Variants in DAB2 observed in about 807,000 individuals in gnomAD.
DAB2 encodes the protein DAB adaptor protein 2.
DAB2 carries 28 observed loss-of-function variants against 71.6 expected under a neutral mutation model. The observed-to-expected ratio is 0.39, with a 90% CI of 0.29 to 0.54. The LOEUF (loss-of-function observed/expected upper bound fraction) is 0.54. DAB2 is among the 20% of genes least tolerant of loss of function. DAB2 has a pLI of 0.68. For synonymous variants in DAB2, 345 were observed against 339.7 expected (o/e 1.02, Z -0.17); for missense variants, 867 against 928.8 (o/e 0.93, Z 0.86).
At chr5:39,405,087 C>T (rs560119749) in intron 1 of DAB2, among the ~76,000 whole-genome samples, 156 of 152,328 alleles carry the variant, frequency 1.0e-3, no homozygotes, top group Admixed American at 3.1e-3. Flanking sequence ...TCTGGCCTCT[C>T]GGCAAAGCTG....
Position 39,388,835 on chromosome 5 carries a change from T to C in DAB2, c.588A>G (p.Leu196=). ...SKAVENGSEA[L]MILDDQTNKL... ...TGTTAGTTTGGTCATCTAGAATCATTAGGGCCTCACTCCCATTCTGAAAAG... is the reference window on the plus strand; with the variant it reads ...TGTTAGTTTGGTCATCTAGAATCATCAGGGCCTCACTCCCATTCTGAAAAG... The change falls in exon 8 of 15, where the codon CTA becomes CTG. Residue 196 remains leucine (L), a synonymous_variant. Coordinates refer to ENST00000320816, the MANE Select transcript of DAB2 (RefSeq NM_001343.4). 1.2e-6 allele frequency: 2 copies of C among 1,613,356 alleles called. No individual in the cohort carries two copies.
intron 1 of DAB2, among the ~76,000 whole-genome samples, chr5:39,416,811 C>CTTTT (rs1322805887): frequency 4.6e-5 from 7 of 152,222 alleles, no homozygotes; most frequent in African/African-American, 1.4e-4. Context: ...ATTATTTGCC[C>CTTTT]TACTTTTCTA....
chr5:39,401,496 C>G (rs1755497562), intron 1 of DAB2, among the ~76,000 whole-genome samples: 1 of 152,130 alleles, frequency 6.6e-6, no homozygotes, highest in South Asian at 2.1e-4. Context: ...ATAGCTCAGG[C>G]TTGTGAGTCC....
chr5:39,385,707 T>A (rs73078546), intron 9 of DAB2, among the ~76,000 whole-genome samples: 176 of 152,208 alleles, frequency 1.2e-3, no homozygotes, highest in African/African-American at 4.0e-3. Flanking sequence ...ATAGCCTAGC[T>A]CTTCTCTGGG....
chr5:39,396,138 G>A (rs1034009931), intron 1 of DAB2, among the ~76,000 whole-genome samples: 8 of 151,694 alleles, frequency 5.3e-5, no homozygotes, highest in Non-Finnish European at 7.4e-5. Flanking sequence ...CAGTAGAGAC[G>A]GAGTTTCACC....
rs1439542455 is a variant in DAB2 at position 39,389,240 on chromosome 5, AT to A, written c.544-118del. 4.2e-6 allele frequency: 3 copies of A among 713,636 alleles called. No homozygotes were observed. In the East Asian group the frequency reaches 7.9e-5, roughly 19 times the overall value. The allele number at this position is 713,636 out of a possible 1,614,324, so 44.2% of individuals were successfully genotyped here. The stretch of plus-strand genomic sequence containing the variant: ...AAGGCAAGAATAAGTCTTGTATATT[AT>A]TTCTGCCCTCCGTTCCCCTCCCCTT... On this transcript the variant is annotated intron_variant, in intron 6 of 14. Transcript: ENST00000320816.
chr5:39,409,275 T>C (rs1335899884), intron 1 of DAB2, among the ~76,000 whole-genome samples: 1 of 152,188 alleles, frequency 6.6e-6, no homozygotes, highest in Non-Finnish European at 1.5e-5. Flanking sequence ...AACAAATATG[T>C]TTTGTGGGAA....
chr5:39,412,496 G>T (rs1475523960), intron 1 of DAB2, among the ~76,000 whole-genome samples: 2 of 152,088 alleles, frequency 1.3e-5, no homozygotes, highest in Non-Finnish European at 2.9e-5. Flanking sequence ...ATAAAGATTT[G>T]TTCCCTTATA....
chr5:39,380,105 A>G (rs895946402), intron 11 of DAB2, among the ~76,000 whole-genome samples: 1 of 152,152 alleles, frequency 6.6e-6, no homozygotes, highest in African/African-American at 2.4e-5. Flanking sequence ...TCTGTGAGGG[A>G]AGGGTACCAA....
chr5:39,379,006 A>G (rs1754894765), intron 11 of DAB2, among the ~76,000 whole-genome samples: 2 of 152,204 alleles, frequency 1.3e-5, no homozygotes, highest in African/African-American at 4.8e-5. Flanking sequence ...AACACATTCA[A>G]TTAAATTGTA....
Position 39,383,185 on chromosome 5 carries a change from G to T in DAB2, c.774C>A (p.Asn258Lys). The change falls in exon 10 of 15, where the codon AAC becomes AAA. Residue 258 changes from asparagine (N) to lysine (K), a missense_variant. This residue lies in a region of DAB2 where 740 missense variants were observed against 734.3 expected (regional missense o/e 1.01). Coordinates refer to ENST00000320816, the MANE Select transcript of DAB2 (RefSeq NM_001343.4). The part of the protein sequence containing the change: ...NSLRENPFLT[N>K]GITSCSLPRP... ...GAGGAAGAGAACAGGAGGTGATGCC[G>T]TTTGTTAAGAATGGATTTTCTCTTA... The T allele has an allele frequency of 6.2e-7, 1 of 1,613,950 alleles. No individual in the cohort carries two copies.
intron 7 of DAB2, 91 bp from the exon 8 acceptor site, chr5:39,388,943 T>G: frequency 7.5e-7 from 1 of 1,328,124 alleles, no homozygotes; most frequent in Non-Finnish European, 1.1e-6. Flanking sequence ...CAGCAATGGT[T>G]TTGGTATCAT....
chr5:39,407,707 G>A (rs1384486265), intron 1 of DAB2, among the ~76,000 whole-genome samples: 1 of 152,176 alleles, frequency 6.6e-6, no homozygotes, highest in African/African-American at 2.4e-5. Flanking sequence ...TGACGCATAT[G>A]CATATAAATC....
At chr5:39,374,174 G>T (rs965401725) in intron 14 of DAB2, among the ~76,000 whole-genome samples, 1 of 152,102 alleles carries the variant, frequency 6.6e-6, no homozygotes, top group Non-Finnish European at 1.5e-5. Flanking sequence ...CTGTTTGGAT[G>T]AGACAAGATT....
At chr5:39,421,263 C>G (rs769523275) in intron 1 of DAB2, among the ~76,000 whole-genome samples, 1 of 152,122 alleles carries the variant, frequency 6.6e-6, no homozygotes, top group Non-Finnish European at 1.5e-5. Flanking sequence ...AGAAATTTTC[C>G]ATTTGCTTTC....
At chr5:39,389,245 T>C (rs984814854) in intron 6 of DAB2, 122 bp from the exon 7 acceptor site, 6 of 675,870 alleles carry the variant, frequency 8.9e-6, no homozygotes, top group Non-Finnish European at 1.5e-5. Context: ...ATATTATTTC[T>C]GCCCTCCGTT....
intron 1 of DAB2, among the ~76,000 whole-genome samples, chr5:39,412,204 T>C (rs151158307): frequency 1.1e-3 from 164 of 152,234 alleles, no homozygotes; most frequent in African/African-American, 3.8e-3. Context: ...ATGACGCAAA[T>C]GGTAGGCCAC....
chr5:39,391,172 C>T (rs1173977845), intron 4 of DAB2, among the ~76,000 whole-genome samples: 1 of 152,110 alleles, frequency 6.6e-6, no homozygotes, highest in Non-Finnish European at 1.5e-5. Context: ...ATGACTACAT[C>T]AGTAACCAGG....
At chr5:39,398,151 T>C (rs116259337) in intron 1 of DAB2, among the ~76,000 whole-genome samples, 2,398 of 152,322 alleles carry the variant, frequency 0.016, 74 homozygotes, top group African/African-American at 0.056. Context: ...AATTTGGCAA[T>C]TTGTATTCTT....
Sources: gnomAD v4.1 joint callset for allele counts (sites outside exome capture counted in the v4.1 genomes callset) on GRCh38, gnomAD v4.1.1 for gene constraint, gnomAD v4.1.1 regional missense constraint, MANE v1.5 for transcripts, NCBI Gene and HGNC (gene_info 2026-07-23, HGNC 2026-07-21) for gene names.